The following COL4A4 variants were observed in gnomAD, a reference collection of about 807,000 sequenced individuals.
COL4A4 encodes collagen alpha-4(IV) chain.
Under a neutral mutation model 192.9 loss-of-function variants are expected in COL4A4, and 105 were observed. That is an observed-to-expected ratio of 0.54 (90% CI 0.46 to 0.64). COL4A4 has a LOEUF of 0.64. Ranked by LOEUF, COL4A4 falls within the 30% of genes least tolerant of loss-of-function variation. The pLI is 0.00. For missense variants in COL4A4, 1,967 were observed against 2,169.3 expected, an observed-to-expected ratio of 0.91 and a Z score of 1.85; for synonymous variants, 762 against 769.9, an observed-to-expected ratio of 0.99 and a Z score of 0.17.
chr2:227,080,640 T>G lies in COL4A4; in HGVS notation c.1697-91A>C. The G allele has an allele frequency of 2.6e-6, 3 of 1,153,392 alleles. No individual in the cohort carries two copies. The South Asian group carries it at 3.7e-5, about 14-fold the overall frequency. The allele number at this position is 1,153,392 out of a possible 1,614,324, so 71.4% of individuals were successfully genotyped here. ...CAAAAAATAAAGAAAATGACCTTGA[T>G]TCTGGGTTGGTAGTTTCCTGTGTAT... On this transcript the variant is annotated intron_variant, in intron 23 of 47. Coordinates refer to ENST00000396625, the MANE Select transcript of COL4A4 (RefSeq NM_000092.5).
At chr2:227,117,501 A>G (rs918896090) in intron 7 of COL4A4, among the ~76,000 whole-genome samples, 7 of 152,234 alleles carry the variant, frequency 4.6e-5, no homozygotes, top group Non-Finnish European at 8.8e-5. Context: ...TTTTGAGTTT[A>G]GTGTTCAGAT....
chr2:227,057,672 C>G lies in COL4A4; in HGVS notation c.2384-72G>C, dbSNP rs55939887. 4 of 1,481,380 alleles carry G rather than the reference C, an allele frequency of 2.7e-6. No homozygotes were observed. The African/African-American group carries it at 5.5e-5, about 20-fold the overall frequency. 91.8% of individuals were successfully genotyped at this position (1,481,380 alleles called of 1,614,324 possible). A position where few individuals can be genotyped will look rare whatever the true frequency, so the allele number is the denominator to read the frequency against. On this transcript the variant is annotated intron_variant, in intron 28 of 47. Coordinates refer to ENST00000396625, the MANE Select transcript of COL4A4 (RefSeq NM_000092.5). ...CAGATGGCCCATGATGAATTGTTCACGCATATCAATACTGGAGGTGAACAT... is the reference window on the plus strand; with the variant it reads ...CAGATGGCCCATGATGAATTGTTCAGGCATATCAATACTGGAGGTGAACAT...
intron 35 of COL4A4, 66 bp from the exon 36 acceptor site, chr2:227,043,250 T>G: frequency 7.8e-7 from 1 of 1,281,518 alleles, no homozygotes; most frequent in Non-Finnish European, 1.1e-6. Context: ...AATCACCAAG[T>G]TCAGCCCACC....
intron 25 of COL4A4, among the ~76,000 whole-genome samples, chr2:227,074,181 A>G (rs2058887411): frequency 6.6e-6 from 1 of 152,166 alleles, no homozygotes; most frequent in Non-Finnish European, 1.5e-5. Flanking sequence ...GGAATCTACA[A>G]AGAACTCAAA....
At chr2:227,067,921 A>T (rs1186250574) in intron 25 of COL4A4, among the ~76,000 whole-genome samples, 1 of 139,386 alleles carries the variant, frequency 7.2e-6, no homozygotes, top group East Asian at 2.0e-4. Flanking sequence ...AAATTAATGA[A>T]TCCAGGAGCT....
intron 21 of COL4A4, 109 bp from the exon 22 acceptor site, chr2:227,088,925 T>G: frequency 3.9e-6 from 5 of 1,276,448 alleles, no homozygotes; most frequent in South Asian, 1.2e-5. Context: ...GAGTCCGATA[T>G]GCACTTCTTG....
chr2:227,101,925 A>G lies in COL4A4; in HGVS notation c.931-16T>C, dbSNP rs1426200043. The G allele has an allele frequency of 6.3e-7, 1 of 1,585,484 alleles. No individual in the cohort carries two copies. The highest frequency in any genetic ancestry group is 8.6e-7 in the Non-Finnish European group (1 of 1,159,544). On this transcript the variant is annotated splice_polypyrimidine_tract_variant and intron_variant, in intron 15 of 47. Transcript: ENST00000396625. ...CAGGATCCCCCTAATAAATTCACAAAAATCAGGATAAACAGAATTAAATCA... is the reference window on the plus strand; with the variant it reads ...CAGGATCCCCCTAATAAATTCACAAGAATCAGGATAAACAGAATTAAATCA...
Position 227,043,162 on chromosome 2 carries a change from C to G in COL4A4, c.3312G>C (p.Glu1104Asp), listed in dbSNP as rs777474133. ...GCCCTTGAATACCAGGCAAGCCCTG[C>G]TCTCCGGATGCTCCAAAATGCCCTA... ...GCPGHFGASG[E>D]QGLPGIQGPR... is the part of the protein sequence containing the mutation. The change falls in exon 36 of 48, where the codon GAG becomes GAC. Residue 1104 changes from glutamate (E) to aspartate (D), a missense_variant. Transcript: ENST00000396625. 2 of 1,614,128 alleles carry G rather than the reference C, an allele frequency of 1.2e-6. No individual in the cohort carries two copies. Among genetic ancestry groups the G allele is most frequent in the South Asian group, 2.2e-5 (2 of 91,082 alleles).
In COL4A4 at chr2:227,154,595, AT is replaced by A. The variant is rs2064191937; in HGVS notation, c.-101-7012del. Among the ~76,000 whole-genome samples the A allele has an allele frequency of 2.6e-5, 4 of 152,198 alleles. No homozygotes were observed. In the South Asian group the frequency reaches 8.3e-4, roughly 32 times the overall value. On this transcript the variant is annotated intron_variant, in intron 1 of 47. Coordinates refer to ENST00000396625, the MANE Select transcript of COL4A4 (RefSeq NM_000092.5). The stretch of plus-strand genomic sequence containing the variant: ...TACTACTAACTCACTGACTGCACAT[AT>A]TTTCCTTTTTGGCCTTTCGACACTG...
chr2:226,988,445 T>G, the COL4A4 span: 1 of 1,549,746 alleles, frequency 6.5e-7, no homozygotes, highest in South Asian at 1.2e-5. Flanking sequence ...AGTTTGGACC[T>G]AAGGAATCCT....
intron 5 of COL4A4, 102 bp from the exon 6 acceptor site, chr2:227,120,041 G>T: frequency 1.1e-6 from 1 of 873,248 alleles, no homozygotes; most frequent in South Asian, 2.2e-5. Flanking sequence ...TAAACATGCT[G>T]AGCAGTCATT....
chr2:227,059,579 C>G lies in COL4A4; in HGVS notation c.2209G>C (p.Gly737Arg), dbSNP rs755416327. ...MGDPGFGGEK[G>R]SSPVGPPGPP... is the part of the protein sequence containing the mutation. ...CCTGGGGGCCCAACAGGGGAGGACC[C>G]CTTTTCACCTCCAAAACCCGGATCT... Residue 737 changes from glycine to arginine, a missense_variant, in exon 28 of 48, where the codon GGG (glycine) becomes CGG (arginine). Physicochemically the swap from Gly to Arg is moderately radical, Grantham distance 125. Transcript: ENST00000396625. The G allele has an allele frequency of 6.2e-7, 1 of 1,614,112 alleles. No homozygotes were observed. Among genetic ancestry groups the G allele is most frequent in the Admixed American group, 1.7e-5 (1 of 60,026 alleles).
chr2:227,144,480 T>C (rs770736099), intron 3 of COL4A4, 36 bp downstream of exon 3: 8 of 1,579,060 alleles, frequency 5.1e-6, no homozygotes, highest in Non-Finnish European at 7.0e-6. Context: ...TAAAGTGAAT[T>C]TTCACAACGC....
chr2:227,086,014 T>C (rs1016566167), intron 22 of COL4A4, among the ~76,000 whole-genome samples: 1 of 152,214 alleles, frequency 6.6e-6, no homozygotes, highest in Non-Finnish European at 1.5e-5. Flanking sequence ...ATTTTATAAA[T>C]GCTGCAAGTA....
rs149236202 is a variant in COL4A4 at position 227,109,544 on chromosome 2, C to T, written c.595-258G>A. On this transcript the variant is annotated intron_variant, in intron 9 of 47. Transcript: ENST00000396625. Reference sequence around the variant, plus strand: ...GGGGCAGATCACGAGGTCAGGAGATCGAGACCATCCTGGCCAACATGGTGA... The same window carrying T: ...GGGGCAGATCACGAGGTCAGGAGATTGAGACCATCCTGGCCAACATGGTGA... 2,763 of 624,314 alleles carry T rather than the reference C, an allele frequency of 4.4e-3. 54 individuals carry two copies. The highest frequency in any genetic ancestry group is 0.043 in the African/African-American group (2,345 of 54,772). The allele number at this position is 624,314 out of a possible 1,614,324, so 38.7% of individuals were successfully genotyped here. A position where few individuals can be genotyped will look rare whatever the true frequency, so the allele number is the denominator to read the frequency against.
the COL4A4 span, among the ~76,000 whole-genome samples, chr2:226,971,314 G>C: frequency 1.3e-4 from 20 of 152,206 alleles, no homozygotes; most frequent in Non-Finnish European, 2.5e-4. Flanking sequence ...TAACAAATAA[G>C]TGAAGTACAA....
At chr2:227,008,676 G>A (rs948674522) in intron 46 of COL4A4, among the ~76,000 whole-genome samples, 2 of 152,230 alleles carry the variant, frequency 1.3e-5, no homozygotes, top group African/African-American at 4.8e-5. Flanking sequence ...AGGATAACTG[G>A]AATATGTGAT....
At chr2:226,981,226 G>T in the COL4A4 span, among the ~76,000 whole-genome samples, 1 of 152,164 alleles carries the variant, frequency 6.6e-6, no homozygotes, top group Non-Finnish European at 1.5e-5. Context: ...ATGGGGTGAG[G>T]GATGGGGGAG....
chr2:227,012,171 G>A lies in COL4A4; in HGVS notation c.4333+10C>T, dbSNP rs2149763427. 6.3e-7 allele frequency: 1 copy of A among 1,598,280 alleles called. No individual in the cohort carries two copies. The highest frequency in any genetic ancestry group is 8.6e-7 in the Non-Finnish European group (1 of 1,165,538). On this transcript the variant is annotated intron_variant, in intron 45 of 47. Transcript: ENST00000396625. ...AGTGTCAGAGAAAAGAGGAGTGACT[G>A]AAACTCTACCTGGTCCTCCAGGGTA...
Sources: gnomAD v4.1 joint callset for allele counts (sites outside exome capture counted in the v4.1 genomes callset) on GRCh38, gnomAD v4.1.1 for gene constraint, MANE v1.5 for transcripts, NCBI Gene and HGNC (gene_info 2026-07-23, HGNC 2026-07-21) for gene names.